Variants in GRID2 observed in about 807,000 individuals in gnomAD.
GRID2 encodes glutamate ionotropic receptor delta type subunit 2, also known as glutamate receptor ionotropic, delta-2.
In GRID2, 33 loss-of-function variants were observed where a neutral mutation model predicts 114.8. The ratio of observed to expected loss-of-function variants is 0.29; its 90% CI spans 0.22 to 0.38. The LOEUF (loss-of-function observed/expected upper bound fraction) is 0.38. GRID2 is among the 10% of genes least tolerant of loss of function. The pLI is 1.00. For missense variants in GRID2, 1,184 were observed against 1,257.7 expected (o/e 0.94, Z 0.89); for synonymous variants, 505 against 449.9 (o/e 1.12, Z -1.55).
intron 8 of GRID2, among the ~76,000 whole-genome samples, chr4:93,318,314 TGATA>T (rs1053916286): frequency 6.6e-6 from 1 of 151,840 alleles, no homozygotes; most frequent in African/African-American, 2.4e-5. Flanking sequence ...TATGGAATAA[TGATA>T]GATAATCAAA....
chr4:93,733,916 C>T (rs78406715), intron 14 of GRID2, among the ~76,000 whole-genome samples: 6,861 of 152,086 alleles, frequency 0.045, 253 homozygotes, highest in African/African-American at 0.094. Context: ...ATTTTATTAA[C>T]CTTAATTACA....
At chr4:92,401,594 T>C (rs1476524942) in intron 1 of GRID2, among the ~76,000 whole-genome samples, 1 of 152,124 alleles carries the variant, frequency 6.6e-6, no homozygotes, top group African/African-American at 2.4e-5. Flanking sequence ...ATGTCTACAC[T>C]ATACTGTATG....
chr4:93,079,307 T>C (rs1021237548), intron 2 of GRID2, among the ~76,000 whole-genome samples: 5 of 152,006 alleles, frequency 3.3e-5, no homozygotes, highest in Admixed American at 6.6e-5. Flanking sequence ...TGAAATTATT[T>C]GGAGCTAAAA....
chr4:92,907,819 TTC>T (rs1422852991), intron 2 of GRID2, among the ~76,000 whole-genome samples: 3 of 151,938 alleles, frequency 2.0e-5, no homozygotes, highest in Middle Eastern at 6.8e-3. Flanking sequence ...AGGTTAGGAG[TTC>T]GAGACCAGCC....
chr4:92,650,491 A>G (rs1040243637), intron 2 of GRID2, among the ~76,000 whole-genome samples: 2 of 152,114 alleles, frequency 1.3e-5, no homozygotes, highest in African/African-American at 4.8e-5. Context: ...TCGTATCTAC[A>G]TTGAGAAATA....
At chr4:92,902,704 G>A (rs1359557842) in intron 2 of GRID2, among the ~76,000 whole-genome samples, 1 of 151,936 alleles carries the variant, frequency 6.6e-6, no homozygotes, top group African/African-American at 2.4e-5. Flanking sequence ...TATCCTTCTA[G>A]ACATGGCAGT....
At chr4:93,486,054 T>C (rs976789469) in intron 11 of GRID2, among the ~76,000 whole-genome samples, 1 of 151,708 alleles carries the variant, frequency 6.6e-6, no homozygotes, top group East Asian at 1.9e-4. Context: ...GTTTTATAGT[T>C]TTTCATGTAG....
intron 2 of GRID2, among the ~76,000 whole-genome samples, chr4:92,873,489 T>C (rs1745419597): frequency 6.6e-6 from 1 of 152,170 alleles, no homozygotes; most frequent in South Asian, 2.1e-4. Flanking sequence ...TGAACTCACC[T>C]TGCTCCAGTA....
At chr4:93,103,958 G>A (rs145653576) in intron 3 of GRID2, among the ~76,000 whole-genome samples, 10 of 151,270 alleles carry the variant, frequency 6.6e-5, no homozygotes, top group Non-Finnish European at 1.5e-4. Context: ...GGTACAAGGG[G>A]AGTGTGTGTA....
chr4:92,965,450 T>TAAAAAAAAAAAAAAAAAAAAAAAAAA (rs869285420), intron 2 of GRID2, among the ~76,000 whole-genome samples: 5 of 85,772 alleles, frequency 5.8e-5, no homozygotes, highest in Admixed American at 1.1e-4. Context: ...ATTCAATTTG[T>TAAAAAAAAAAAAAAAAAAAAAAAAAA]AAAAAAAAAA....
intron 2 of GRID2, among the ~76,000 whole-genome samples, chr4:92,701,968 G>A (rs975451671): frequency 1.3e-5 from 2 of 151,962 alleles, no homozygotes; most frequent in African/African-American, 2.4e-5. Flanking sequence ...AGTTACCCTA[G>A]GATAACAGCG....
chr4:93,072,757 A>C (rs1334532015), intron 2 of GRID2, among the ~76,000 whole-genome samples: 1 of 152,158 alleles, frequency 6.6e-6, no homozygotes, highest in Non-Finnish European at 1.5e-5. Flanking sequence ...ACTGGATACT[A>C]GTCTATTTTA....
chr4:92,904,334 ATAAT>A (rs1747796162), intron 2 of GRID2, among the ~76,000 whole-genome samples: 2 of 149,890 alleles, frequency 1.3e-5, no homozygotes, highest in African/African-American at 4.9e-5. Flanking sequence ...ATATAAATAA[ATAAT>A]AAAATAAATA....
At chr4:92,470,101 T>A (rs1721959643) in intron 1 of GRID2, among the ~76,000 whole-genome samples, 1 of 151,848 alleles carries the variant, frequency 6.6e-6, no homozygotes, top group Non-Finnish European at 1.5e-5. Flanking sequence ...TAAAAACAGG[T>A]GTGAAAATTT....
chr4:93,115,182 CAA>C lies in GRID2; in HGVS notation c.735+4230_735+4231del, dbSNP rs1226074136. Among the ~76,000 whole-genome samples the C allele has an allele frequency of 3.3e-5, 5 of 150,374 alleles. No individual in the cohort carries two copies. In the East Asian group the frequency reaches 1.0e-3, roughly 30 times the overall value. ...TACTGAGGCTTTTAAAATTACAAAACAAGAGTCTATTTATTTCTACCTCCAGT... is the reference window on the plus strand; with the variant it reads ...TACTGAGGCTTTTAAAATTACAAAACGAGTCTATTTATTTCTACCTCCAGT... On this transcript the variant is annotated intron_variant, in intron 4 of 15. Transcript: ENST00000282020.
At chr4:93,406,469 G>A (rs1453470103) in intron 9 of GRID2, among the ~76,000 whole-genome samples, 1 of 152,096 alleles carries the variant, frequency 6.6e-6, no homozygotes, top group Non-Finnish European at 1.5e-5. Context: ...AGGGAGCTGA[G>A]CAGGAAAATA....
At chr4:93,146,496 G>A (rs1269286855) in intron 4 of GRID2, among the ~76,000 whole-genome samples, 2 of 152,018 alleles carry the variant, frequency 1.3e-5, no homozygotes, top group African/African-American at 4.8e-5. Flanking sequence ...TCTTAAAATG[G>A]AATTTACGTT....
intron 1 of GRID2, among the ~76,000 whole-genome samples, chr4:92,548,141 A>T (rs927029264): frequency 6.6e-5 from 10 of 152,138 alleles, no homozygotes; most frequent in African/African-American, 2.4e-4. Context: ...AGTATATAGA[A>T]GTAGAAAAAT....
At chr4:92,537,489 A>G (rs1725700938) in intron 1 of GRID2, among the ~76,000 whole-genome samples, 1 of 152,216 alleles carries the variant, frequency 6.6e-6, no homozygotes, top group African/African-American at 2.4e-5. Flanking sequence ...AATTTAAAGC[A>G]GTTGTTTTAA....
Sources: gnomAD v4.1 joint callset for allele counts (sites outside exome capture counted in the v4.1 genomes callset) on GRCh38, gnomAD v4.1.1 for gene constraint, MANE v1.5 for transcripts, NCBI Gene and HGNC (gene_info 2026-07-23, HGNC 2026-07-21) for gene names.